The following FHIP1A variants were observed in gnomAD, a reference collection of about 807,000 sequenced individuals.
The protein encoded by FHIP1A is FHF complex subunit HOOK-interacting protein 1A.
In FHIP1A, 61 loss-of-function variants were observed where a neutral mutation model predicts 88.6. The observed-to-expected ratio is 0.69, with a 90% confidence interval of 0.56 to 0.85. FHIP1A has a LOEUF of 0.85. Among genes scored for constraint, FHIP1A ranks in the 40% least tolerant of loss-of-function variants. The pLI is 0.00. For synonymous variants in FHIP1A, 478 were observed against 496.0 expected, an observed-to-expected ratio of 0.96 and a Z score of 0.48; for missense variants, 1,154 against 1,273.5, an observed-to-expected ratio of 0.91 and a Z score of 1.43.
intron 3 of FHIP1A, among the ~76,000 whole-genome samples, chr4:151,523,184 C>T (rs1290780879): frequency 6.6e-6 from 1 of 152,142 alleles, no homozygotes; most frequent in Non-Finnish European, 1.5e-5. Context: ...AGGAGAAAAT[C>T]AACTTAAGAA....
intron 3 of FHIP1A, among the ~76,000 whole-genome samples, chr4:151,527,106 A>C (rs951812319): frequency 6.6e-6 from 1 of 151,760 alleles, no homozygotes; most frequent in Non-Finnish European, 1.5e-5. Context: ...GACGCTCCTC[A>C]CTTCCCAGAC....
chr4:151,637,886 T>G (rs889414434), intron 8 of FHIP1A, among the ~76,000 whole-genome samples: 41 of 152,310 alleles, frequency 2.7e-4, no homozygotes, highest in African/African-American at 9.6e-4. Context: ...GGCCAGATTT[T>G]AAGCCCAACC....
intron 1 of FHIP1A, among the ~76,000 whole-genome samples, chr4:151,417,266 A>G (rs1182011427): frequency 2.6e-5 from 4 of 152,082 alleles, no homozygotes; most frequent in African/African-American, 9.7e-5. Flanking sequence ...GAGGCTTCCC[A>G]TTGGTTACTT....
chr4:151,531,611 A>C (rs529540586), intron 3 of FHIP1A, among the ~76,000 whole-genome samples: 1 of 152,136 alleles, frequency 6.6e-6, no homozygotes, highest in Non-Finnish European at 1.5e-5. Context: ...TTAATAATGT[A>C]AATGAAAAAG....
chr4:151,433,502 CTTAGA>C (rs1733672301), intron 1 of FHIP1A, among the ~76,000 whole-genome samples: 1 of 151,960 alleles, frequency 6.6e-6, no homozygotes, highest in Non-Finnish European at 1.5e-5. Flanking sequence ...GGACAGACTA[CTTAGA>C]TTAGTTTGAA....
chr4:151,534,608 T>C (rs960978458), intron 3 of FHIP1A: 3 of 152,214 alleles, frequency 2.0e-5, no homozygotes, highest in African/African-American at 7.2e-5. Flanking sequence ...TAAAGTAAAA[T>C]TGACAAATTA....
At position 151,664,692 on chromosome 4, in the gene FHIP1A, C is replaced by T. The variant is rs947100087; in HGVS notation, c.*1938C>T. 2.0e-5 allele frequency among the ~76,000 whole-genome samples: 3 copies of T among 152,118 alleles called. No individual in the cohort carries two copies. Among genetic ancestry groups the T allele is most frequent in the African/African-American group, 4.8e-5 (2 of 41,422 alleles). ...AGAGGAACAGTTGAAGATGGAAGTT[C>T]GGCTGTAATTTATTATACTCTGTTT... On this transcript the variant is annotated 3_prime_UTR_variant, in exon 14 of 14. Coordinates refer to ENST00000435205, the MANE Select transcript of FHIP1A (RefSeq NM_001109977.3).
intron 2 of FHIP1A, among the ~76,000 whole-genome samples, chr4:151,481,133 T>C (rs1560722662): frequency 6.6e-6 from 1 of 152,078 alleles, no homozygotes; most frequent in Non-Finnish European, 1.5e-5. Flanking sequence ...TTACCTATTA[T>C]TTGTAACTAT....
chr4:151,650,612 T>G lies in FHIP1A; in HGVS notation c.2551+20T>G, dbSNP rs769472536. On this transcript the variant is annotated intron_variant, in intron 11 of 13. Transcript: ENST00000435205. ...TCACAGGTGACCATCTTAAATTGCT[T>G]TGTGGTTTCTGCTTTCGAAAGTACT... 5.2e-6 allele frequency: 8 copies of G among 1,530,040 alleles called. No homozygotes were observed. Among genetic ancestry groups the G allele is most frequent in the Non-Finnish European group, 7.0e-6 (8 of 1,137,062 alleles). The allele number at this position is 1,530,040 out of a possible 1,614,324, so 94.8% of individuals were successfully genotyped here. A position where few individuals can be genotyped will look rare whatever the true frequency, so the allele number is the denominator to read the frequency against.
At chr4:151,598,204 C>G (rs940887932) in intron 7 of FHIP1A, among the ~76,000 whole-genome samples, 2 of 152,124 alleles carry the variant, frequency 1.3e-5, no homozygotes, top group African/African-American at 2.4e-5. Context: ...GGGTTGTGGA[C>G]CATGAGAAAT....
intron 3 of FHIP1A, among the ~76,000 whole-genome samples, chr4:151,564,552 T>G (rs1733305935): frequency 1.3e-5 from 2 of 152,290 alleles, no homozygotes; most frequent in South Asian, 4.2e-4. Context: ...ACTCTTGATG[T>G]TTGAAACACC....
chr4:151,656,145 A>G lies in FHIP1A; in HGVS notation c.2552-87A>G. 1 of 1,069,668 alleles carries G rather than the reference A, an allele frequency of 9.3e-7. No homozygotes were observed. The highest frequency in any genetic ancestry group is 1.4e-6 in the Non-Finnish European group (1 of 733,714). The allele number at this position is 1,069,668 out of a possible 1,614,324, so 66.3% of individuals were successfully genotyped here. On this transcript the variant is annotated intron_variant, in intron 11 of 13. Transcript: ENST00000435205. This position sits in a 1 kb window ranked among gnomAD's most constrained non-coding sequence, Gnocchi z 4.2. ...ACCTGTGGGCCCATGGTGGTTTGGG[A>G]GATGTGGCACCGATGGTTCTGCAAT...
intron 3 of FHIP1A, among the ~76,000 whole-genome samples, chr4:151,555,040 T>G (rs1443825958): frequency 6.6e-6 from 1 of 152,186 alleles, no homozygotes; most frequent in African/African-American, 2.4e-5. Flanking sequence ...TTCTGCTTTG[T>G]GGTTCTCCCC....
chr4:151,547,597 T>C (rs1393443956), intron 3 of FHIP1A, among the ~76,000 whole-genome samples: 1 of 152,184 alleles, frequency 6.6e-6, no homozygotes, highest in African/African-American at 2.4e-5. Flanking sequence ...TGGCTCACTT[T>C]TGTTAGTATT....
intron 3 of FHIP1A, among the ~76,000 whole-genome samples, chr4:151,526,517 G>A (rs1402495325): frequency 2.7e-5 from 4 of 146,194 alleles, no homozygotes; most frequent in African/African-American, 7.6e-5. Flanking sequence ...CGGACGGGGC[G>A]GCCGGCCAGG....
intron 3 of FHIP1A, among the ~76,000 whole-genome samples, chr4:151,519,511 A>T (rs1731378705): frequency 6.6e-6 from 1 of 151,952 alleles, no homozygotes; most frequent in Admixed American, 6.6e-5. Context: ...TCTTTTAGCT[A>T]TTAAGAAAAA....
At chr4:151,595,385 G>A (rs527355393) in intron 7 of FHIP1A, among the ~76,000 whole-genome samples, 19 of 152,184 alleles carry the variant, frequency 1.2e-4, no homozygotes, top group Admixed American at 2.6e-4. Context: ...ACTGTGGTTG[G>A]TCTGAGAGAC....
At chr4:151,439,502 A>G (rs1233710000) in intron 1 of FHIP1A, among the ~76,000 whole-genome samples, 1 of 152,146 alleles carries the variant, frequency 6.6e-6, no homozygotes, top group Non-Finnish European at 1.5e-5. Flanking sequence ...TTTCAGTAGA[A>G]GTTAATGAAA....
In FHIP1A at chr4:151,663,080, G is replaced by GAT. The variant is rs1737534619; in HGVS notation, c.*329_*330dup. ...CTTGCAGCTCAGATCACGTCAAGCA[G>GAT]ATATTGGGGTTCAGTGATGTCTGGT... On this transcript the variant is annotated 3_prime_UTR_variant, in exon 14 of 14. Coordinates refer to ENST00000435205, the MANE Select transcript of FHIP1A (RefSeq NM_001109977.3). 5.0e-6 allele frequency: 1 copy of GAT among 198,986 alleles called. No individual in the cohort carries two copies. The highest frequency in any genetic ancestry group is 1.0e-5 in the Non-Finnish European group (1 of 99,150). 12.3% of individuals were successfully genotyped at this position (198,986 alleles called of 1,614,324 possible). A position where few individuals can be genotyped will look rare whatever the true frequency, so the allele number is the denominator to read the frequency against.
Sources: allele counts gnomAD v4.1 joint callset (sites outside exome capture counted in the v4.1 genomes callset), GRCh38; gene constraint gnomAD v4.1.1; non-coding constraint Gnocchi (gnomAD v3.1); transcripts MANE v1.5; gene names NCBI Gene and HGNC (gene_info 2026-07-23, HGNC 2026-07-21).